Variants in MIER2 observed in about 807,000 individuals in gnomAD.
MIER2 encodes the protein MIER family member 2, also known as mesoderm induction early response protein 2.
In MIER2, 30 loss-of-function variants were observed where a neutral mutation model predicts 67.6. That is an observed-to-expected ratio of 0.44 (90% CI 0.33 to 0.60). MIER2 has a LOEUF of 0.60. Ranked by LOEUF, MIER2 falls within the 20% of genes least tolerant of loss-of-function variation. MIER2 has a pLI of 0.02. For missense variants in MIER2, 702 were observed against 745.1 expected (o/e 0.94, Z 0.67); for synonymous variants, 372 against 312.6 (o/e 1.19, Z -2.00).
At chr19:314,309 G>A (rs1971141615) in intron 7 of MIER2, among the ~76,000 whole-genome samples, 2 of 152,198 alleles carry the variant, frequency 1.3e-5, no homozygotes, top group African/African-American at 2.4e-5. Flanking sequence ...GACCTCAGAT[G>A]CAATTGGCTT....
intron 10 of MIER2, among the ~76,000 whole-genome samples, chr19:310,961 C>T (rs1455472822): frequency 2.0e-5 from 3 of 152,234 alleles, no homozygotes; most frequent in Non-Finnish European, 4.4e-5. Flanking sequence ...CAAAACACCA[C>T]GTGGTGCTGG....
chr19:342,704 G>C (rs1972559756), intron 1 of MIER2, among the ~76,000 whole-genome samples: 1 of 151,410 alleles, frequency 6.6e-6, no homozygotes, highest in Non-Finnish European at 1.5e-5. Flanking sequence ...AGCTAGTACT[G>C]ATCACGTGCT....
Position 327,867 on chromosome 19 carries a change from G to C in MIER2, c.366C>G (p.Asp122Glu). The C allele has an allele frequency of 3.7e-6, 6 of 1,611,910 alleles. No individual in the cohort carries two copies. Among genetic ancestry groups the C allele is most frequent in the Non-Finnish European group, 5.1e-6 (6 of 1,179,014 alleles). ...VAPNLPDMTL[D>E]KEQIAKDLLS... ...TCCAGGAAGGGCCCTCACTTACTTT[G>C]TCCAGGGTCATGTCTGGGAGGTTCG... The change falls in exon 4 of 14, where the codon GAC becomes GAG. Residue 122 changes from aspartate to glutamate, a missense_variant. Transcript: ENST00000264819.
intron 7 of MIER2, among the ~76,000 whole-genome samples, chr19:319,711 C>T (rs992916607): frequency 1.3e-5 from 2 of 152,126 alleles, no homozygotes; most frequent in Non-Finnish European, 2.9e-5. Flanking sequence ...CCCACCCCAG[C>T]CTCCCAAAGT....
chr19:326,918 A>G (rs1039846222), intron 5 of MIER2: 4 of 629,784 alleles, frequency 6.4e-6, no homozygotes, highest in Middle Eastern at 4.3e-4. Context: ...CATGTTCCCT[A>G]CTTGTTTAAA....
At chr19:337,647 C>T (rs1271203958) in intron 1 of MIER2, among the ~76,000 whole-genome samples, 1 of 145,022 alleles carries the variant, frequency 6.9e-6, no homozygotes, top group African/African-American at 2.5e-5. Context: ...CAGGCGGATC[C>T]CTTGAGGTCA....
chr19:323,634 G>A (rs1052283993), intron 7 of MIER2, among the ~76,000 whole-genome samples: 4 of 149,414 alleles, frequency 2.7e-5, no homozygotes, highest in African/African-American at 9.9e-5. Context: ...CCAAACCAAG[G>A]ACCACAATGG....
intron 10 of MIER2, among the ~76,000 whole-genome samples, chr19:310,748 G>A (rs182531568): frequency 3.8e-5 from 5 of 132,956 alleles, no homozygotes; most frequent in East Asian, 2.1e-4. Flanking sequence ...AACACAGCCC[G>A]GAGCTACAGA....
chr19:320,117 G>A (rs963495286), intron 7 of MIER2, among the ~76,000 whole-genome samples: 4 of 152,138 alleles, frequency 2.6e-5, no homozygotes, highest in African/African-American at 9.7e-5. Context: ...GCTCATGAGT[G>A]TAATCCCGGC....
Position 326,035 on chromosome 19 carries a change from A to G in MIER2, c.586-331T>C, listed in dbSNP as rs367616673. Among the ~76,000 whole-genome samples, 254 of 152,358 alleles carry G rather than the reference A, an allele frequency of 1.7e-3. 1 individual carries two copies. The highest frequency in any genetic ancestry group is 5.7e-3 in the African/African-American group (238 of 41,588). ...GTCCCAGCCCACCCTGGGGTCGAGC[A>G]GCACGTCCCTCCTCTGAGAAGGGGC... is the stretch of plus-strand genomic sequence containing the variant. On this transcript the variant is annotated intron_variant, in intron 6 of 13. Transcript: ENST00000264819.
chr19:335,159 T>C lies in MIER2; in HGVS notation c.101-617A>G, dbSNP rs193000076. On this transcript the variant is annotated intron_variant, in intron 2 of 13. Transcript: ENST00000264819. ...ATTCCTCTGCATGTTTACTCTCCAA[T>C]TGGTCAAATTTTTAAACAAACAAAG... Among the ~76,000 whole-genome samples the C allele has an allele frequency of 1.0e-3, 159 of 152,248 alleles. 1 individual carries two copies. The highest frequency in any genetic ancestry group is 7.5e-4 in the Non-Finnish European group (51 of 68,020).
At chr19:342,588 T>C (rs982240706) in intron 1 of MIER2, among the ~76,000 whole-genome samples, 4 of 149,688 alleles carry the variant, frequency 2.7e-5, no homozygotes, top group South Asian at 4.4e-4. Context: ...ATGGTGCTCT[T>C]AGGTTTTTAA....
rs567726210 is a variant in MIER2, at chr19:322,285, G to A, written c.655+3350C>T. Among the ~76,000 whole-genome samples the A allele has an allele frequency of 2.1e-4, 32 of 152,248 alleles. 2 individuals carry two copies. Among genetic ancestry groups the A allele is most frequent in the South Asian group, 2.1e-3 (10 of 4,820 alleles). ...AACAATAAATCTTCTAGAAAGAAACGTGGAAGAATATCTCCAAGAGCCTGA... is the reference window on the plus strand; with the variant it reads ...AACAATAAATCTTCTAGAAAGAAACATGGAAGAATATCTCCAAGAGCCTGA... On this transcript the variant is annotated intron_variant, in intron 7 of 13. Coordinates refer to ENST00000264819, the MANE Select transcript of MIER2 (RefSeq NM_017550.3).
intron 4 of MIER2, among the ~76,000 whole-genome samples, 169 bp downstream of exon 4, chr19:327,695 G>A (rs1478053633): frequency 1.3e-5 from 2 of 152,230 alleles, no homozygotes; most frequent in African/African-American, 4.8e-5. Flanking sequence ...CTAGGGTCCA[G>A]CCCCATGCCC....
intron 8 of MIER2, among the ~76,000 whole-genome samples, chr19:312,680 C>T (rs1971073491): frequency 2.2e-5 from 1 of 45,906 alleles, no homozygotes. Context: ...GGGCCACCTA[C>T]ACCTCTATCC....
At position 308,771 on chromosome 19, in the gene MIER2, G is replaced by A. The variant is rs1970787224; in HGVS notation, c.1109+30C>T. On this transcript the variant is annotated intron_variant, in intron 11 of 13. Coordinates refer to ENST00000264819, the MANE Select transcript of MIER2 (RefSeq NM_017550.3). This position sits in a 1 kb window ranked among gnomAD's most constrained non-coding sequence, Gnocchi z 9.1. ...CCCACCCCCGGCGGGGTGGCCGCCT[G>A]TCGTTACTGCTGGGGAGGGCTGCAC... 5 of 1,595,320 alleles carry A rather than the reference G, an allele frequency of 3.1e-6. No homozygotes were observed. Among genetic ancestry groups the A allele is most frequent in the African/African-American group, 1.3e-5 (1 of 74,500 alleles).
intron 1 of MIER2, chr19:343,883 A>G: frequency 3.0e-6 from 3 of 985,262 alleles, no homozygotes; most frequent in Non-Finnish European, 3.6e-6. Flanking sequence ...ACCACTCCAA[A>G]ATCAAAAAAA....
At chr19:330,302 T>C (rs1971959911) in intron 3 of MIER2, 1 of 151,914 alleles carries the variant, frequency 6.6e-6, no homozygotes, top group African/African-American at 2.4e-5. Flanking sequence ...ATCCCAGCAC[T>C]TTGGAAGGCC....
intron 7 of MIER2, among the ~76,000 whole-genome samples, chr19:317,377 A>G (rs1008176565): frequency 4.6e-5 from 7 of 151,826 alleles, no homozygotes; most frequent in African/African-American, 1.7e-4. Flanking sequence ...AATACAAAAC[A>G]TTAGCCGGGA....
Sources: allele counts gnomAD v4.1 joint callset (sites outside exome capture counted in the v4.1 genomes callset), GRCh38; gene constraint gnomAD v4.1.1; non-coding constraint Gnocchi (gnomAD v3.1); transcripts MANE v1.5; gene names NCBI Gene and HGNC (gene_info 2026-07-23, HGNC 2026-07-21).